Variants in TOM1L1 observed in about 807,000 individuals in gnomAD.
TOM1L1 encodes the protein TOM1-like protein 1.
TOM1L1 carries 64 observed loss-of-function variants against 63.4 expected under a neutral mutation model. The observed-to-expected ratio is 1.01, with a 90% confidence interval of 0.83 to 1.24. The LOEUF is 1.24. Ranked by LOEUF, TOM1L1 falls within the 50% of genes most tolerant of loss-of-function variation. TOM1L1 has a pLI of 0.00. For synonymous variants in TOM1L1, 166 were observed against 194.4 expected, an observed-to-expected ratio of 0.85 and a Z score of 1.22; for missense variants, 536 against 567.0, an observed-to-expected ratio of 0.95 and a Z score of 0.55.
At chr17:54,932,812 G>A (rs2048886024) in intron 8 of TOM1L1, among the ~76,000 whole-genome samples, 1 of 152,212 alleles carries the variant, frequency 6.6e-6, no homozygotes, top group Non-Finnish European at 1.5e-5. Context: ...AATATCCAAG[G>A]AAAACCACAT....
At chr17:54,955,753 C>T (rs1170081884) in intron 14 of TOM1L1, among the ~76,000 whole-genome samples, 1 of 152,176 alleles carries the variant, frequency 6.6e-6, no homozygotes, top group Non-Finnish European at 1.5e-5. Flanking sequence ...GACCTAGGTC[C>T]TAATCCTGAC....
chr17:54,907,928 ATCT>A lies in TOM1L1; in HGVS notation c.222+2367_222+2369del, dbSNP rs1174162640. On this transcript the variant is annotated intron_variant, in intron 3 of 15. Transcript: ENST00000575882. ...GGTTGCTTCTTAATCCCACCTCCAT[ATCT>A]TCTTCCATCATGGTTCCCTCCCTGT... Among the ~76,000 whole-genome samples, 3 of 152,018 alleles carry A rather than the reference ATCT, an allele frequency of 2.0e-5. No homozygotes were observed. The East Asian group carries it at 5.8e-4, about 29-fold the overall frequency.
intron 11 of TOM1L1, among the ~76,000 whole-genome samples, chr17:54,940,023 G>A (rs2049010883): frequency 6.6e-6 from 1 of 152,188 alleles, no homozygotes; most frequent in South Asian, 2.1e-4. Flanking sequence ...AACCTCCTGA[G>A]TAGCTGGAAT....
chr17:54,948,243 C>T (rs1598053691), intron 12 of TOM1L1, among the ~76,000 whole-genome samples: 4 of 152,168 alleles, frequency 2.6e-5, no homozygotes, highest in African/African-American at 9.7e-5. Context: ...CTCCCACCCA[C>T]CTCATAATCT....
chr17:54,926,514 C>G (rs2048771224), intron 7 of TOM1L1, among the ~76,000 whole-genome samples: 1 of 151,912 alleles, frequency 6.6e-6, no homozygotes, highest in Non-Finnish European at 1.5e-5. Context: ...AGAGAATGCT[C>G]TAGTATTTAG....
At chr17:54,913,171 A>G (rs1180076810) in intron 4 of TOM1L1, among the ~76,000 whole-genome samples, 1 of 152,224 alleles carries the variant, frequency 6.6e-6, no homozygotes, top group Non-Finnish European at 1.5e-5. Context: ...TTAATTTTGG[A>G]TTCAGAGCAG....
chr17:54,955,106 C>T (rs1412014231), intron 14 of TOM1L1: 2 of 152,216 alleles, frequency 1.3e-5, no homozygotes, highest in Non-Finnish European at 2.9e-5. Context: ...GGCTTCCAAA[C>T]TCTGGAGATT....
intron 3 of TOM1L1, 63 bp downstream of exon 3, chr17:54,905,630 T>C: frequency 9.3e-7 from 1 of 1,075,390 alleles, no homozygotes; most frequent in Non-Finnish European, 1.4e-6. Flanking sequence ...ACATTTTTAA[T>C]CCTGGGTAAA....
At chr17:54,923,547 T>C (rs2048717125) in intron 7 of TOM1L1, among the ~76,000 whole-genome samples, 1 of 151,594 alleles carries the variant, frequency 6.6e-6, no homozygotes, top group African/African-American at 2.4e-5. Flanking sequence ...TTAATTATTT[T>C]ATTTATTTAT....
At chr17:54,922,948 C>A (rs2048707814) in intron 7 of TOM1L1, among the ~76,000 whole-genome samples, 1 of 152,220 alleles carries the variant, frequency 6.6e-6, no homozygotes, top group Non-Finnish European at 1.5e-5. Context: ...CAATCTGGTT[C>A]TGTGTCTGTG....
At chr17:54,957,022 TGA>T (rs1276200551) in intron 14 of TOM1L1, 1 of 152,240 alleles carries the variant, frequency 6.6e-6, no homozygotes, top group African/African-American at 2.4e-5. Context: ...TGTAAATTGC[TGA>T]GGTCTGTCAT....
At chr17:54,916,116 A>G (rs1341780328) in intron 7 of TOM1L1, 1 of 430,086 alleles carries the variant, frequency 2.3e-6, no homozygotes, top group Non-Finnish European at 4.1e-6. Flanking sequence ...TGTACAATCA[A>G]TTCTCTAGTT....
chr17:54,951,517 G>A (rs2049237160), intron 14 of TOM1L1, among the ~76,000 whole-genome samples: 1 of 152,246 alleles, frequency 6.6e-6, no homozygotes, highest in Admixed American at 6.5e-5. Context: ...AGGAGGACTA[G>A]AGAAGGTCGA....
At chr17:54,951,988 G>A (rs2143978573) in intron 14 of TOM1L1, 1 of 152,316 alleles carries the variant, frequency 6.6e-6, no homozygotes, top group South Asian at 2.1e-4. Flanking sequence ...ACTTCTTCAT[G>A]TTGACCAGGG....
rs2048548861 is a variant in TOM1L1, at chr17:54,914,350, T to G, written c.499-289T>G. Among the ~76,000 whole-genome samples, 3 of 148,784 alleles carry G rather than the reference T, an allele frequency of 2.0e-5. No individual in the cohort carries two copies. In the South Asian group the frequency reaches 6.5e-4, roughly 32 times the overall value. On this transcript the variant is annotated intron_variant, in intron 5 of 15. Coordinates refer to ENST00000575882, the MANE Select transcript of TOM1L1 (RefSeq NM_005486.3). ...GGCATCAATAATCTCACATGGCAGT[T>G]TATCACTTAGACCCTTGGTTAAAAA...
At chr17:54,941,890 C>T (rs550750191) in intron 11 of TOM1L1, among the ~76,000 whole-genome samples, 1 of 152,076 alleles carries the variant, frequency 6.6e-6, no homozygotes, top group Non-Finnish European at 1.5e-5. Flanking sequence ...TACCAAGATT[C>T]GAGGGCGTAT....
At chr17:54,958,385 G>C (rs893583702) in intron 14 of TOM1L1, 1 of 152,224 alleles carries the variant, frequency 6.6e-6, no homozygotes, top group South Asian at 2.1e-4. Flanking sequence ...AGATTAAGTA[G>C]AGACAGTAAG....
intron 15 of TOM1L1, 148 bp from the exon 16 acceptor site, chr17:54,961,087 T>C (rs1194809014): frequency 1.2e-5 from 8 of 661,592 alleles, no homozygotes; most frequent in Non-Finnish European, 2.1e-5. Flanking sequence ...ATTCCCCTTA[T>C]ACCCTCCCCT....
At chr17:54,947,909 C>T (rs2049146187) in intron 12 of TOM1L1, among the ~76,000 whole-genome samples, 1 of 152,192 alleles carries the variant, frequency 6.6e-6, no homozygotes, top group African/African-American at 2.4e-5. Flanking sequence ...CTTCTCTAAA[C>T]TCAGAACTCA....
Sources: allele counts gnomAD v4.1 joint callset (sites outside exome capture counted in the v4.1 genomes callset), GRCh38; gene constraint gnomAD v4.1.1; transcripts MANE v1.5; gene names NCBI Gene and HGNC (gene_info 2026-07-23, HGNC 2026-07-21).